The following WDR64 variants were observed in gnomAD, a reference collection of about 807,000 sequenced individuals.
WDR64 encodes WD repeat-containing protein 64.
In WDR64, 112 loss-of-function variants were observed where a neutral mutation model predicts 139.3. The observed-to-expected ratio is 0.80, with a 90% confidence interval of 0.69 to 0.94. The LOEUF is 0.94. WDR64 is among the 40% of genes least tolerant of loss of function. WDR64 has a pLI of 0.00. For missense variants in WDR64, 1,206 were observed against 1,293.1 expected (o/e 0.93, Z 1.03); for synonymous variants, 444 against 437.7 (o/e 1.01, Z -0.18).
chr1:241,697,413 C>G (rs1260857368), intron 8 of WDR64, among the ~76,000 whole-genome samples: 2 of 152,170 alleles, frequency 1.3e-5, no homozygotes, highest in African/African-American at 4.8e-5. Context: ...TCCATCTTCT[C>G]CAGGATCTTG....
At chr1:241,722,315 T>C (rs948736146) in intron 9 of WDR64, among the ~76,000 whole-genome samples, 2 of 152,200 alleles carry the variant, frequency 1.3e-5, no homozygotes, top group East Asian at 3.8e-4. Flanking sequence ...GAATATATCA[T>C]TGATGGCCTT....
At chr1:241,761,185 C>G (rs745731107) in intron 15 of WDR64, among the ~76,000 whole-genome samples, 5 of 152,158 alleles carry the variant, frequency 3.3e-5, no homozygotes, top group Non-Finnish European at 7.4e-5. Context: ...TGCCTTTATA[C>G]TTGAACAAGT....
chr1:241,774,405 G>A (rs1658573942), intron 20 of WDR64, among the ~76,000 whole-genome samples: 1 of 152,164 alleles, frequency 6.6e-6, no homozygotes. Flanking sequence ...AAATGAAAGA[G>A]TAAAAGAAAT....
chr1:241,662,873 AT>A (rs1368547751), intron 2 of WDR64, among the ~76,000 whole-genome samples: 1 of 152,196 alleles, frequency 6.6e-6, no homozygotes, highest in Non-Finnish European at 1.5e-5. Context: ...GTTGTAAGCA[AT>A]GCAAACAGAA....
chr1:241,675,009 CTTCCTTTCTTCTTCCT>C (rs1666436488), intron 4 of WDR64, among the ~76,000 whole-genome samples: 2 of 44,640 alleles, frequency 4.5e-5, no homozygotes, highest in Non-Finnish European at 1.2e-4. Flanking sequence ...CCCTCTCTTC[CTTCCTTTCTTCTTCCT>C]TCCCTCCCTC....
intron 2 of WDR64, among the ~76,000 whole-genome samples, chr1:241,670,573 G>A (rs1454219493): frequency 1.3e-5 from 2 of 152,284 alleles, no homozygotes; most frequent in Non-Finnish European, 2.9e-5. Flanking sequence ...TCAGTATACA[G>A]TTTGTTGAAT....
At chr1:241,723,462 A>G (rs10926549) in intron 10 of WDR64, 26 bp downstream of exon 10, 291,015 of 1,607,196 alleles carry the variant, frequency 0.18, 27,390 homozygotes, top group Admixed American at 0.31. Flanking sequence ...TAACAAAACA[A>G]AACTAGTTTT....
At chr1:241,724,047 A>T (rs7412638) in intron 10 of WDR64, among the ~76,000 whole-genome samples, 1 of 152,174 alleles carries the variant, frequency 6.6e-6, no homozygotes, top group Non-Finnish European at 1.5e-5. Flanking sequence ...AAGAGATAGC[A>T]TTCACAAGAG....
chr1:241,712,897 C>G (rs751887922), intron 9 of WDR64, among the ~76,000 whole-genome samples: 1 of 151,934 alleles, frequency 6.6e-6, no homozygotes, highest in Non-Finnish European at 1.5e-5. Flanking sequence ...CTACTGCACT[C>G]CAGCCTAGGC....
At chr1:241,677,065 T>C (rs1414072579) in intron 4 of WDR64, among the ~76,000 whole-genome samples, 1 of 152,208 alleles carries the variant, frequency 6.6e-6, no homozygotes, top group Non-Finnish European at 1.5e-5. Context: ...ATTTAGGCTC[T>C]ATCTGAAGTA....
chr1:241,762,122 G>C (rs1326812262), intron 15 of WDR64, among the ~76,000 whole-genome samples: 1 of 152,088 alleles, frequency 6.6e-6, no homozygotes, highest in African/African-American at 2.4e-5. Flanking sequence ...ACTATCTATG[G>C]CAGCTATAGC....
At chr1:241,799,202 CAAAAAA>C (rs4046210) in intron 27 of WDR64, among the ~76,000 whole-genome samples, 10 of 33,326 alleles carry the variant, frequency 3.0e-4, no homozygotes, top group Admixed American at 6.2e-4. Flanking sequence ...TTTGTCTCTC[CAAAAAA>C]AAAAAAAAAA....
chr1:241,693,283 A>G (rs536435690), intron 8 of WDR64, among the ~76,000 whole-genome samples: 40 of 152,332 alleles, frequency 2.6e-4, no homozygotes, highest in East Asian at 7.7e-4. Context: ...CCTTAAATGC[A>G]TATTACTAAG....
chr1:241,698,924 C>T (rs1667598227), intron 8 of WDR64, among the ~76,000 whole-genome samples: 1 of 152,178 alleles, frequency 6.6e-6, no homozygotes, highest in Non-Finnish European at 1.5e-5. Context: ...GTTCAGGAAA[C>T]ATACCATCGT....
chr1:241,796,217 C>G, intron 26 of WDR64, 40 bp from the exon 27 acceptor site: 1 of 1,454,764 alleles, frequency 6.9e-7, no homozygotes, highest in Non-Finnish European at 9.6e-7. Flanking sequence ...CAGAAGTAAT[C>G]ACTTTGAGTG....
At position 241,692,065 on chromosome 1, in the gene WDR64, C is replaced by T. The variant is rs147717497; in HGVS notation, c.974+4470C>T. Among the ~76,000 whole-genome samples the T allele has an allele frequency of 3.4e-3, 520 of 151,450 alleles. 3 individuals are homozygous for T. Among genetic ancestry groups the T allele is most frequent in the Non-Finnish European group, 3.7e-3 (251 of 67,862 alleles). ...AAAGAAACACAATGCCATCTACATTCGCATTTGAGAATGAAATACTTAGGT... is the reference window on the plus strand; with the variant it reads ...AAAGAAACACAATGCCATCTACATTTGCATTTGAGAATGAAATACTTAGGT... On this transcript the variant is annotated intron_variant, in intron 8 of 27. Coordinates refer to ENST00000437684, the MANE Select transcript of WDR64 (RefSeq NM_001367482.1).
At position 241,766,274 on chromosome 1, in the gene WDR64, ATAT is replaced by A; in HGVS notation, c.2005_2007del (p.Tyr669del). Reference sequence around the variant, plus strand: ...GCATTGATTTACTACAAGTAGAAGGATATAATTTGATAGCAGCTGGAACCTTAA... The same window carrying A: ...GCATTGATTTACTACAAGTAGAAGGAAATTTGATAGCAGCTGGAACCTTAA... On this transcript the variant is annotated inframe_deletion, in exon 16 of 28. Coordinates refer to ENST00000437684, the MANE Select transcript of WDR64 (RefSeq NM_001367482.1). 6.2e-7 allele frequency: 1 copy of A among 1,614,106 alleles called. No individual in the cohort carries two copies. Among genetic ancestry groups the A allele is most frequent in the South Asian group, 1.1e-5 (1 of 91,072 alleles).
At chr1:241,660,186 T>G (rs1160551579) in intron 1 of WDR64, among the ~76,000 whole-genome samples, 2 of 152,228 alleles carry the variant, frequency 1.3e-5, no homozygotes, top group Non-Finnish European at 2.9e-5. Context: ...TCCCCATTGC[T>G]TGTTTTTGTC....
chr1:241,701,279 C>T (rs1207368260), intron 8 of WDR64, among the ~76,000 whole-genome samples: 3 of 139,498 alleles, frequency 2.2e-5, no homozygotes, highest in Admixed American at 6.7e-5. Flanking sequence ...CACATGCGCG[C>T]ACACACACAC....
Sources: gnomAD v4.1 joint callset for allele counts (sites outside exome capture counted in the v4.1 genomes callset) on GRCh38, gnomAD v4.1.1 for gene constraint, MANE v1.5 for transcripts, NCBI Gene and HGNC (gene_info 2026-07-23, HGNC 2026-07-21) for gene names.